Variants in TEN1 observed in about 807,000 individuals in gnomAD.
TEN1 encodes CST complex subunit TEN1.
In TEN1, 6 loss-of-function variants were observed where a neutral mutation model predicts 9.3. The observed-to-expected ratio is 0.65, with a 90% CI of 0.35 to 1.27. The LOEUF is 1.27. TEN1 is among the 50% of genes most tolerant of loss of function. The pLI is 0.03. For missense variants in TEN1, 149 were observed against 158.2 expected, an observed-to-expected ratio of 0.94 and a Z score of 0.31; for synonymous variants, 65 against 65.6, an observed-to-expected ratio of 0.99 and a Z score of 0.04.
At chr17:75,992,274 A>G (rs2144356628) in intron 3 of TEN1, among the ~76,000 whole-genome samples, 1 of 151,822 alleles carries the variant, frequency 6.6e-6, no homozygotes, top group East Asian at 1.9e-4. Context: ...TCTGTTACCC[A>G]GGCTGGAGTG....
At chr17:75,992,225 A>AC (rs1225088237) in intron 3 of TEN1, among the ~76,000 whole-genome samples, 3 of 133,840 alleles carry the variant, frequency 2.2e-5, no homozygotes, top group Non-Finnish European at 5.1e-5. Flanking sequence ...TGAGTCTTAA[A>AC]AATTTTTTTT....
At chr17:75,988,893 C>T (rs945024736) in intron 2 of TEN1, among the ~76,000 whole-genome samples, 1 of 151,854 alleles carries the variant, frequency 6.6e-6, no homozygotes, top group African/African-American at 2.4e-5. Context: ...GCCTCAGCCT[C>T]CCGAGTAGCT....
chr17:75,980,998 A>C (rs1210035150), intron 1 of TEN1, among the ~76,000 whole-genome samples: 1 of 152,150 alleles, frequency 6.6e-6, no homozygotes. Flanking sequence ...TTGACAGCTG[A>C]CCTTCTAGTT....
At chr17:75,991,149 C>CAAAAAAAAAAAAAAAAAA (rs71361699) in intron 2 of TEN1, among the ~76,000 whole-genome samples, 1 of 70,218 alleles carries the variant, frequency 1.4e-5, no homozygotes, top group African/African-American at 6.4e-5. Flanking sequence ...GACTCCATCT[C>CAAAAAAAAAAAAAAAAAA]AAAAAAAAAA....
chr17:75,988,387 C>A (rs1433152163), intron 2 of TEN1, among the ~76,000 whole-genome samples: 2 of 150,908 alleles, frequency 1.3e-5, no homozygotes, highest in East Asian at 1.9e-4. Context: ...ATGGTGAAAC[C>A]CTGTCTCTAC....
chr17:75,987,585 G>A (rs1274361062), intron 2 of TEN1, among the ~76,000 whole-genome samples: 5 of 152,122 alleles, frequency 3.3e-5, no homozygotes, highest in African/African-American at 1.2e-4. Context: ...AGAATCACAG[G>A]GGACCATCTT....
Position 75,979,270 on chromosome 17 carries a change from C to G in TEN1, c.-248C>G. The G allele has an allele frequency of 1.4e-6, 1 of 727,252 alleles. No individual in the cohort carries two copies. Among genetic ancestry groups the G allele is most frequent in the Non-Finnish European group, 2.3e-6 (1 of 433,790 alleles). The allele number at this position is 727,252 out of a possible 1,614,324, so 45.0% of individuals were successfully genotyped here. A position where few individuals can be genotyped will look rare whatever the true frequency, so the allele number is the denominator to read the frequency against. The stretch of plus-strand genomic sequence containing the variant: ...GGCGCGTGAGTGACAGCGGCCCAGA[C>G]AGAGGGGGCGATGTCCGCGTCGTGG... On this transcript the variant is annotated 5_prime_UTR_variant, in exon 1 of 4. Coordinates refer to ENST00000397640, the MANE Select transcript of TEN1 (RefSeq NM_001113324.3).
In TEN1 at chr17:76,000,221, G is replaced by A. The variant is rs1411814496; in HGVS notation, c.331G>A (p.Glu111Lys). Residue 111 changes from glutamate to lysine, a missense_variant, in exon 4 of 4, where the codon GAG (glutamate) becomes AAG (lysine). Glu to Lys is a moderately conservative substitution (Grantham distance 56, BLOSUM62 1). Coordinates refer to ENST00000397640, the MANE Select transcript of TEN1 (RefSeq NM_001113324.3). This position sits in a 1 kb window ranked among gnomAD's most constrained non-coding sequence, Gnocchi z 5.9. The stretch of plus-strand genomic sequence containing the variant: ...GCCCTTGTTGGAACAAGCCATCCGG[G>A]AGCAGAGACTGTACAAGCAGGAGCG... ...NLPLLEQAIREQRLYKQERGG... is the reference protein window; with the variant it reads ...NLPLLEQAIRKQRLYKQERGG... The A allele has an allele frequency of 6.4e-7, 1 of 1,551,332 alleles. No homozygotes were observed. The highest frequency in any genetic ancestry group is 1.4e-5 in the African/African-American group (1 of 73,044).
chr17:75,986,340 T>TGGAG, intron 2 of TEN1, 56 bp downstream of exon 2: 1 of 1,363,048 alleles, frequency 7.3e-7, no homozygotes, highest in Non-Finnish European at 1.0e-6. Flanking sequence ...AATGTCTTTC[T>TGGAG]CTACCTCCAA....
chr17:75,981,075 G>C (rs2066115784), intron 1 of TEN1, among the ~76,000 whole-genome samples: 1 of 152,152 alleles, frequency 6.6e-6, no homozygotes, highest in South Asian at 2.1e-4. Context: ...GCATTGAATA[G>C]AAAAGACTTA....
chr17:75,989,148 G>A (rs1353466493), intron 2 of TEN1, among the ~76,000 whole-genome samples: 2 of 151,480 alleles, frequency 1.3e-5, no homozygotes, highest in African/African-American at 4.9e-5. Flanking sequence ...TGCCCAGGCT[G>A]GAGTGCAGTG....
Position 75,979,434 on chromosome 17 carries a change from T to G in TEN1, c.-84T>G. ...GGGAGTGGGAAAATAAAGCACTTTTTGTATCCCGCCCCTCCCCCGTCACGT... is the reference window on the plus strand; with the variant it reads ...GGGAGTGGGAAAATAAAGCACTTTTGGTATCCCGCCCCTCCCCCGTCACGT... On this transcript the variant is annotated 5_prime_UTR_variant, in exon 1 of 4. Transcript: ENST00000397640. 3 of 388,460 alleles carry G rather than the reference T, an allele frequency of 7.7e-6. No homozygotes were observed. Among genetic ancestry groups the G allele is most frequent in the East Asian group, 6.5e-5 (1 of 15,446 alleles). The allele number at this position is 388,460 out of a possible 1,614,324, so 24.1% of individuals were successfully genotyped here. A position where few individuals can be genotyped will look rare whatever the true frequency, so the allele number is the denominator to read the frequency against.
At position 76,000,399 on chromosome 17, in the gene TEN1, C is replaced by G; in HGVS notation, c.*137C>G. The G allele has an allele frequency of 8.0e-7, 1 of 1,249,614 alleles. No homozygotes were observed. Among genetic ancestry groups the G allele is most frequent in the Non-Finnish European group, 1.1e-6 (1 of 930,826 alleles). 77.4% of individuals were successfully genotyped at this position (1,249,614 alleles called of 1,614,324 possible). ...GAAAGCCGAGGGGCGGGTGATGAAT[C>G]CAGCCCCTTCCCCTACTTTGGGATT... is the stretch of plus-strand genomic sequence containing the variant. On this transcript the variant is annotated 3_prime_UTR_variant, in exon 4 of 4. Coordinates refer to ENST00000397640, the MANE Select transcript of TEN1 (RefSeq NM_001113324.3). This position sits in a 1 kb window ranked among gnomAD's most constrained non-coding sequence, Gnocchi z 5.9.
chr17:75,997,299 C>G (rs528569546), intron 3 of TEN1, among the ~76,000 whole-genome samples: 39 of 152,254 alleles, frequency 2.6e-4, no homozygotes, highest in African/African-American at 8.9e-4. Flanking sequence ...ATTTCAGGGG[C>G]TCACTGGCAT....
intron 1 of TEN1, among the ~76,000 whole-genome samples, chr17:75,982,991 A>C (rs1454967844): frequency 6.6e-6 from 1 of 150,950 alleles, no homozygotes; most frequent in Non-Finnish European, 1.5e-5. Context: ...AGAAAGAAAA[A>C]AGGAAGAGGC....
Position 76,000,331 on chromosome 17 carries a change from G to C in TEN1, c.*69G>C, listed in dbSNP as rs2066247075. On this transcript the variant is annotated 3_prime_UTR_variant, in exon 4 of 4. Transcript: ENST00000397640. This position sits in a 1 kb window ranked among gnomAD's most constrained non-coding sequence, Gnocchi z 5.9. ...ACCCTCTGGAGCTGCAGGAGCCCGG[G>C]AGAGCACAGACGCCTCCCCAGCGAC... The C allele has an allele frequency of 1.3e-6, 2 of 1,499,466 alleles. No individual in the cohort carries two copies. Among genetic ancestry groups the C allele is most frequent in the East Asian group, 5.0e-5 (2 of 39,774 alleles). 92.9% of individuals were successfully genotyped at this position (1,499,466 alleles called of 1,614,324 possible).
chr17:75,990,109 G>A (rs1014373785), intron 2 of TEN1, among the ~76,000 whole-genome samples: 8 of 149,198 alleles, frequency 5.4e-5, no homozygotes, highest in Non-Finnish European at 1.0e-4. Context: ...GCAGTGGTAC[G>A]ATCTCGGCTC....
rs1290216577 is a variant in TEN1, at chr17:75,986,338, T to C, written c.92+54T>C. The C allele has an allele frequency of 1.6e-5, 22 of 1,368,960 alleles. No homozygotes were observed. In the Middle Eastern group the frequency reaches 9.2e-4, roughly 57 times the overall value. The allele number at this position is 1,368,960 out of a possible 1,614,324, so 84.8% of individuals were successfully genotyped here. ...GGGGTGATGATATGTTAAATGTCTT[T>C]CTCTACCTCCAAAAAGACATAATTA... On this transcript the variant is annotated intron_variant, in intron 2 of 3. Transcript: ENST00000397640.
chr17:75,981,534 G>A (rs2066119622), intron 1 of TEN1, among the ~76,000 whole-genome samples: 1 of 151,400 alleles, frequency 6.6e-6, no homozygotes, highest in Non-Finnish European at 1.5e-5. Context: ...GTTTTGTAGT[G>A]TTGGGTCTCA....
Sources: allele counts gnomAD v4.1 joint callset (sites outside exome capture counted in the v4.1 genomes callset), GRCh38; gene constraint gnomAD v4.1.1; non-coding constraint Gnocchi (gnomAD v3.1); transcripts MANE v1.5; gene names NCBI Gene and HGNC (gene_info 2026-07-23, HGNC 2026-07-21).